INPP4A: variants seen among roughly 807,000 people sequenced by gnomAD.
INPP4A encodes the protein inositol polyphosphate-4-phosphatase type I A, also known as inositol polyphosphate-4-phosphatase, type I, 107kD.
A neutral mutation model predicts 119.8 loss-of-function variants in INPP4A; 33 were observed. The ratio of observed to expected loss-of-function variants is 0.28; its 90% CI spans 0.21 to 0.37. The LOEUF (loss-of-function observed/expected upper bound fraction) is 0.37. INPP4A is among the 10% of genes least tolerant of loss of function. The pLI is 1.00. For missense variants in INPP4A, 956 were observed against 1,289.9 expected (o/e 0.74, Z 3.97); for synonymous variants, 496 against 500.7 (o/e 0.99, Z 0.12).
At chr2:98,555,428 C>G in intron 15 of INPP4A, 125 bp from the exon 16 acceptor site, 1 of 1,019,246 alleles carries the variant, frequency 9.8e-7, no homozygotes, top group Non-Finnish European at 1.4e-6. Context: ...TATTTCTAAA[C>G]TTTGAGGTAT....
intron 1 of INPP4A, among the ~76,000 whole-genome samples, chr2:98,450,405 G>T (rs1695020486): frequency 6.6e-6 from 1 of 152,158 alleles, no homozygotes. Context: ...TATAAATCAG[G>T]AATTTCTTTT....
chr2:98,554,478 G>A lies in INPP4A; in HGVS notation c.1555G>A (p.Glu519Lys), dbSNP rs1337794979. The A allele has an allele frequency of 9.3e-6, 15 of 1,613,282 alleles. No individual in the cohort carries two copies. The highest frequency in any genetic ancestry group is 1.3e-5 in the Non-Finnish European group (15 of 1,179,670). Residue 519 changes from glutamate to lysine, a missense_variant, in exon 15 of 25, where the codon GAG (glutamate) becomes AAG (lysine). Around this residue, in one of 2 missense-constraint regions of INPP4A, gnomAD observed 652 missense variants for 797.9 expected, o/e 0.82. Coordinates refer to ENST00000409851, the MANE Select transcript of INPP4A (RefSeq NM_001134225.2). The surrounding 1 kb of genome is among the most constrained non-coding windows in gnomAD (Gnocchi z 4.7). ...ATCTTCCCTGCAGGTGGACTGGCAC[G>A]AGGAGGAGTGGGTGAGTCTGCTGCT... The part of the protein sequence containing the change: ...SRSSLQVDWH[E>K]EEWEKVWLNV...
rs1387269379 is a variant in INPP4A, at chr2:98,542,569, T to C, written c.819-1308T>C. Reference sequence around the variant, plus strand: ...ATGTGTAAAGTGTTCTCTTCATTAATCAATTTCAGGGATTAGCTACCGATT... The same window carrying C: ...ATGTGTAAAGTGTTCTCTTCATTAACCAATTTCAGGGATTAGCTACCGATT... On this transcript the variant is annotated intron_variant, in intron 10 of 24. Transcript: ENST00000409851. 3.3e-5 allele frequency among the ~76,000 whole-genome samples: 5 copies of C among 152,338 alleles called. No individual in the cohort carries two copies. In the East Asian group the frequency reaches 9.6e-4, roughly 29 times the overall value.
rs1694045189 is a variant in INPP4A, at chr2:98,554,108, C to T, written c.1348-163C>T. Among the ~76,000 whole-genome samples, 1 of 152,244 alleles carries T rather than the reference C, an allele frequency of 6.6e-6. No homozygotes were observed. ...TGGGCCACATGGCAGTCTTTGTACT[C>T]AGACATCTTGAGGGATGTAGCCCTT... On this transcript the variant is annotated intron_variant, in intron 14 of 24. Coordinates refer to ENST00000409851, the MANE Select transcript of INPP4A (RefSeq NM_001134225.2). The surrounding 1 kb of genome is among the most constrained non-coding windows in gnomAD (Gnocchi z 4.7).
chr2:98,482,082 T>G (rs1385814363), intron 1 of INPP4A, among the ~76,000 whole-genome samples: 1 of 152,242 alleles, frequency 6.6e-6, no homozygotes, highest in Admixed American at 6.5e-5. Context: ...GAGACCAGTT[T>G]AGTTGACAGA....
rs373070833 is a variant in INPP4A at position 98,569,754 on chromosome 2, T to C, written c.2518+1086T>C. 2.6e-5 allele frequency: 4 copies of C among 152,220 alleles called. No individual in the cohort carries two copies. The highest frequency in any genetic ancestry group is 9.6e-5 in the African/African-American group (4 of 41,492). The allele number at this position is 152,220 out of a possible 1,614,324, so 9.4% of individuals were successfully genotyped here. A position where few individuals can be genotyped will look rare whatever the true frequency, so the allele number is the denominator to read the frequency against. The stretch of plus-strand genomic sequence containing the variant: ...AAGCCGTCCTGCTAGGAGAGAGTGA[T>C]GCAGAACACTCCGGGGCTGGGCCAA... On this transcript the variant is annotated intron_variant, in intron 22 of 24. Transcript: ENST00000409851. This position sits in a 1 kb window ranked among gnomAD's most constrained non-coding sequence, Gnocchi z 5.1.
intron 1 of INPP4A, among the ~76,000 whole-genome samples, chr2:98,478,755 C>T (rs531272828): frequency 6.6e-6 from 1 of 152,164 alleles, no homozygotes; most frequent in African/African-American, 2.4e-5. Context: ...AGGTATGTGT[C>T]TGTCCTATTC....
At chr2:98,506,724 G>A (rs548880414) in intron 1 of INPP4A, among the ~76,000 whole-genome samples, 2 of 152,314 alleles carry the variant, frequency 1.3e-5, no homozygotes, top group East Asian at 1.9e-4. Context: ...GGGAGAACAC[G>A]ATGCTGTGAA....
chr2:98,580,037 G>A (rs1018688374), intron 24 of INPP4A, among the ~76,000 whole-genome samples: 1 of 152,232 alleles, frequency 6.6e-6, no homozygotes, highest in Non-Finnish European at 1.5e-5. Flanking sequence ...TCCCATGAGG[G>A]GAAGACATGT....
At position 98,572,931 on chromosome 2, in the gene INPP4A, C is replaced by CTGGTTA. The variant is rs1050763071; in HGVS notation, c.2631+5_2631+10dup. 8 of 1,561,088 alleles carry CTGGTTA rather than the reference C, an allele frequency of 5.1e-6. No individual in the cohort carries two copies. In the African/African-American group the frequency reaches 9.5e-5, roughly 19 times the overall value. ...CATTCTCTGGCAAGCTGCTGAGGTA[C>CTGGTTA]TGGTTACAGAGAGGAAAAGGAGGCT... On this transcript the variant is annotated splice_donor_region_variant and intron_variant, in intron 23 of 24. Transcript: ENST00000409851.
intron 1 of INPP4A, among the ~76,000 whole-genome samples, chr2:98,446,435 C>T (rs552617548): frequency 6.6e-6 from 1 of 152,054 alleles, no homozygotes; most frequent in South Asian, 2.1e-4. Flanking sequence ...TGGTCTGTTG[C>T]AGGAGTGGTG....
At chr2:98,567,264 G>A (rs1696628443) in intron 21 of INPP4A, among the ~76,000 whole-genome samples, 1 of 152,148 alleles carries the variant, frequency 6.6e-6, no homozygotes, top group South Asian at 2.1e-4. Flanking sequence ...AACTGTTAAA[G>A]TGGTCAGTGG....
chr2:98,477,101 G>T (rs919375265), intron 1 of INPP4A, among the ~76,000 whole-genome samples: 10 of 152,340 alleles, frequency 6.6e-5, no homozygotes, highest in African/African-American at 9.6e-5. Context: ...TCTGATTCTT[G>T]CAGTAACCCC....
intron 22 of INPP4A, among the ~76,000 whole-genome samples, chr2:98,571,726 T>G (rs1697486661): frequency 6.6e-6 from 1 of 152,104 alleles, no homozygotes; most frequent in Non-Finnish European, 1.5e-5. Context: ...ACCCCCAAAC[T>G]TTGTGTGGTT....
Position 98,497,330 on chromosome 2 carries a change from G to A in INPP4A, c.-165-21634G>A, listed in dbSNP as rs1319307548. ...CATGAAGAATTTCTGCTAGGGCAGT[G>A]CAGAAGGGAAATGTGGGGTGGGAGC... On this transcript the variant is annotated intron_variant, in intron 1 of 24. Coordinates refer to ENST00000409851, the MANE Select transcript of INPP4A (RefSeq NM_001134225.2). 4.6e-5 allele frequency among the ~76,000 whole-genome samples: 7 copies of A among 152,358 alleles called. No individual in the cohort carries two copies. The East Asian group carries it at 9.6e-4, about 21-fold the overall frequency.
Position 98,500,014 on chromosome 2 carries a change from G to T in INPP4A, c.-165-18950G>T, listed in dbSNP as rs148904397. Among the ~76,000 whole-genome samples, 619 of 152,194 alleles carry T rather than the reference G, an allele frequency of 4.1e-3. 8 individuals are homozygous for T. The highest frequency in any genetic ancestry group is 0.014 in the African/African-American group (599 of 41,520). On this transcript the variant is annotated intron_variant, in intron 1 of 24. Coordinates refer to ENST00000409851, the MANE Select transcript of INPP4A (RefSeq NM_001134225.2). ...GTGGCAGACTCATATCTAATTCCGG[G>T]GGAAACCTTCCCAGTGGTCACAACC...
At position 98,536,265 on chromosome 2, in the gene INPP4A, G is replaced by T. The variant is rs527285270; in HGVS notation, c.467+57G>T. On this transcript the variant is annotated intron_variant, in intron 7 of 24. Coordinates refer to ENST00000409851, the MANE Select transcript of INPP4A (RefSeq NM_001134225.2). The stretch of plus-strand genomic sequence containing the variant: ...TCTGGAATCATGAGGTCCAGGGACA[G>T]ATGGGGAAAGGACCCACTTCTTATA... The T allele has an allele frequency of 2.2e-5, 24 of 1,078,492 alleles. No homozygotes were observed. In the South Asian group the frequency reaches 3.0e-4, roughly 14 times the overall value. 66.8% of individuals were successfully genotyped at this position (1,078,492 alleles called of 1,614,324 possible).
In INPP4A at chr2:98,570,316, T is replaced by C. The variant is rs1697221213; in HGVS notation, c.2518+1648T>C. Among the ~76,000 whole-genome samples, 1 of 152,152 alleles carries C rather than the reference T, an allele frequency of 6.6e-6. No homozygotes were observed. On this transcript the variant is annotated intron_variant, in intron 22 of 24. Transcript: ENST00000409851. The surrounding 1 kb of genome is among the most constrained non-coding windows in gnomAD (Gnocchi z 4.3). ...CTGGAACAGCATCTGGAGGGGCCCC[T>C]GCTCTGGGGGACAGCGAGGAAGAAG...
At position 98,491,476 on chromosome 2, in the gene INPP4A, C is replaced by T. The variant is rs187766588; in HGVS notation, c.-165-27488C>T. ...TCCAGGCCTCCAACCAGGAAGAAGC[C>T]GCACGTTTCCCTTGACAGGAAAATT... On this transcript the variant is annotated intron_variant, in intron 1 of 24. Transcript: ENST00000409851. Among the ~76,000 whole-genome samples the T allele has an allele frequency of 2.1e-3, 324 of 152,290 alleles. 1 individual carries two copies. Among genetic ancestry groups the T allele is most frequent in the Admixed American group, 3.9e-3 (59 of 15,302 alleles).
Sources: allele counts gnomAD v4.1 joint callset (sites outside exome capture counted in the v4.1 genomes callset), GRCh38; gene constraint gnomAD v4.1.1; regional missense constraint gnomAD v4.1.1; non-coding constraint Gnocchi (gnomAD v3.1); transcripts MANE v1.5; gene names NCBI Gene and HGNC (gene_info 2026-07-23, HGNC 2026-07-21).